GRM8: variants seen among roughly 807,000 people sequenced by gnomAD.
The protein encoded by GRM8 is glutamate metabotropic receptor 8, also known as metabotropic glutamate receptor 8.
In GRM8, 47 loss-of-function variants were observed where a neutral mutation model predicts 87.2. The observed-to-expected ratio is 0.54, with a 90% CI of 0.43 to 0.69. The LOEUF (loss-of-function observed/expected upper bound fraction) is 0.69. Among genes scored for constraint, GRM8 ranks in the 30% least tolerant of loss-of-function variants. The pLI is 0.00. For synonymous variants in GRM8, 396 were observed against 404.5 expected, an observed-to-expected ratio of 0.98 and a Z score of 0.25; for missense variants, 1,019 against 1,139.2, an observed-to-expected ratio of 0.89 and a Z score of 1.52.
At chr7:126,890,007 T>C (rs1482227885) in intron 6 of GRM8, among the ~76,000 whole-genome samples, 1 of 152,142 alleles carries the variant, frequency 6.6e-6, no homozygotes, top group Non-Finnish European at 1.5e-5. Flanking sequence ...AATATGATAG[T>C]CATTAGCCAC....
chr7:126,921,518 G>T (rs543324278), intron 3 of GRM8, among the ~76,000 whole-genome samples: 4 of 152,124 alleles, frequency 2.6e-5, no homozygotes, highest in African/African-American at 9.6e-5. Context: ...AAAGGAAGGG[G>T]AAGGAAGAAA....
chr7:127,041,353 T>C (rs1357166566), intron 3 of GRM8, among the ~76,000 whole-genome samples: 1 of 152,210 alleles, frequency 6.6e-6, no homozygotes, highest in Non-Finnish European at 1.5e-5. Context: ...GGCTGAAATA[T>C]ATGACATATG....
intron 8 of GRM8, among the ~76,000 whole-genome samples, chr7:126,584,878 CAT>C (rs1228694307): frequency 6.6e-6 from 1 of 151,902 alleles, no homozygotes; most frequent in African/African-American, 2.4e-5. Flanking sequence ...ATAATTTTTA[CAT>C]GTTTATTAAA....
intron 6 of GRM8, among the ~76,000 whole-genome samples, chr7:126,852,851 A>C (rs1191498460): frequency 6.6e-6 from 1 of 152,162 alleles, no homozygotes; most frequent in Non-Finnish European, 1.5e-5. Flanking sequence ...TTTATAAAAA[A>C]TGGATAAAAT....
intron 8 of GRM8, among the ~76,000 whole-genome samples, chr7:126,548,247 T>C (rs762754138): frequency 3.3e-5 from 5 of 151,812 alleles, no homozygotes; most frequent in South Asian, 2.1e-4. Flanking sequence ...CAAACCAACA[T>C]GGCACATGTA....
At chr7:127,232,183 T>TTGTGTGTGTGTGTGTGTGTGTGTGTG (rs71529431) in intron 2 of GRM8, among the ~76,000 whole-genome samples, 53 of 129,826 alleles carry the variant, frequency 4.1e-4, no homozygotes, top group Non-Finnish European at 6.1e-4. Context: ...TGTTTCTTCT[T>TTGTGTGTGTGTGTGTGTGTGTGTGTG]TGTGTGTGTG....
chr7:126,813,219 C>T (rs1396027705), intron 6 of GRM8, among the ~76,000 whole-genome samples: 1 of 151,926 alleles, frequency 6.6e-6, no homozygotes, highest in African/African-American at 2.4e-5. Flanking sequence ...AAGGTTGAAG[C>T]CCATACAAAA....
intron 7 of GRM8, among the ~76,000 whole-genome samples, chr7:126,661,560 G>A (rs894518442): frequency 3.3e-5 from 5 of 152,062 alleles, no homozygotes; most frequent in Non-Finnish European, 7.4e-5. Context: ...GAATAGCCCC[G>A]GCTTCATTGG....
At chr7:126,787,131 C>T (rs910995610) in intron 6 of GRM8, among the ~76,000 whole-genome samples, 2 of 152,092 alleles carry the variant, frequency 1.3e-5, no homozygotes, top group African/African-American at 4.8e-5. Context: ...GTGCCCAATA[C>T]CATCAAAAGA....
At chr7:127,100,675 T>C (rs916435859) in intron 3 of GRM8, among the ~76,000 whole-genome samples, 12 of 152,182 alleles carry the variant, frequency 7.9e-5, no homozygotes, top group Non-Finnish European at 1.5e-4. Flanking sequence ...AACTCCCATT[T>C]ATTAAACCAT....
chr7:126,751,130 T>C (rs1289159795), intron 7 of GRM8, among the ~76,000 whole-genome samples: 1 of 152,162 alleles, frequency 6.6e-6, no homozygotes, highest in Admixed American at 6.6e-5. Flanking sequence ...TTAGCACTTG[T>C]ATCAGTCTCA....
At chr7:126,995,030 A>AG (rs1813046754) in intron 3 of GRM8, among the ~76,000 whole-genome samples, 2 of 152,316 alleles carry the variant, frequency 1.3e-5, no homozygotes, top group South Asian at 4.1e-4. Context: ...CCCCAGCTCC[A>AG]GGTGGTTCAG....
intron 6 of GRM8, among the ~76,000 whole-genome samples, chr7:126,860,150 T>C (rs1403223417): frequency 6.6e-6 from 1 of 152,194 alleles, no homozygotes; most frequent in African/African-American, 2.4e-5. Context: ...GGAGCCTAGA[T>C]TCCTATCCAG....
At chr7:127,172,567 G>A (rs1004150645) in intron 2 of GRM8, among the ~76,000 whole-genome samples, 1 of 151,916 alleles carries the variant, frequency 6.6e-6, no homozygotes, top group Non-Finnish European at 1.5e-5. Flanking sequence ...AATTAGCCAG[G>A]TGTGGTGGCA....
intron 3 of GRM8, among the ~76,000 whole-genome samples, chr7:126,923,970 T>G (rs1804817278): frequency 6.6e-6 from 1 of 152,192 alleles, no homozygotes. Flanking sequence ...TACATCTACA[T>G]GTATTTTTTA....
chr7:127,088,870 G>C (rs1422589469), intron 3 of GRM8, among the ~76,000 whole-genome samples: 1 of 152,192 alleles, frequency 6.6e-6, no homozygotes, highest in Admixed American at 6.5e-5. Flanking sequence ...AAAGTGAATA[G>C]CACCTTCCCC....
intron 6 of GRM8, among the ~76,000 whole-genome samples, chr7:126,894,757 G>T (rs751933891): frequency 3.3e-5 from 5 of 152,014 alleles, no homozygotes; most frequent in Non-Finnish European, 7.4e-5. Flanking sequence ...AAGTTCTTCA[G>T]AGCAGGAAAG....
chr7:126,790,471 T>C (rs1180634466), intron 6 of GRM8, among the ~76,000 whole-genome samples: 1 of 152,232 alleles, frequency 6.6e-6, no homozygotes, highest in African/African-American at 2.4e-5. Context: ...ATGCAATAGA[T>C]AATACACCCA....
At chr7:126,946,704 C>G (rs775082126) in intron 3 of GRM8, among the ~76,000 whole-genome samples, 6 of 152,190 alleles carry the variant, frequency 3.9e-5, no homozygotes, top group Admixed American at 1.3e-4. Context: ...CAGACCCAAA[C>G]TGAGACCAGA....
Sources: allele counts gnomAD v4.1 joint callset (sites outside exome capture counted in the v4.1 genomes callset), GRCh38; gene constraint gnomAD v4.1.1; transcripts MANE v1.5; gene names NCBI Gene and HGNC (gene_info 2026-07-23, HGNC 2026-07-21).